The following SP2 variants were observed in gnomAD, a reference collection of about 807,000 sequenced individuals.
The protein encoded by SP2 is transcription factor Sp2.
SP2 carries 9 observed loss-of-function variants against 50.1 expected under a neutral mutation model. The ratio of observed to expected loss-of-function variants is 0.18; its 90% CI spans 0.11 to 0.31. SP2 has a LOEUF of 0.31. SP2 is among the 10% of genes least tolerant of loss of function. The probability of loss-of-function intolerance (pLI) is 1.00; values close to 1 mark genes in which losing one functional copy is unlikely to be tolerated. For synonymous variants in SP2, 313 were observed against 326.6 expected (o/e 0.96, Z 0.45); for missense variants, 581 against 806.5 (o/e 0.72, Z 3.39).
downstream of SP2, among the ~76,000 whole-genome samples, chr17:47,931,637 C>A (rs74570014): frequency 0.03 from 4,529 of 152,286 alleles, 241 homozygotes; most frequent in African/African-American, 0.1. Context: ...AAAGTTGCCA[C>A]ACCCAGAAAT....
In SP2 at chr17:47,925,549, C is replaced by T; in HGVS notation, c.1741+8C>T. 3 of 1,609,932 alleles carry T rather than the reference C, an allele frequency of 1.9e-6. No homozygotes were observed. The highest frequency in any genetic ancestry group is 2.5e-6 in the Non-Finnish European group (3 of 1,177,144). ...ATGCTCGCACCCACACAGGTCAGCC[C>T]CCTGCCTTCGGGACCCTCCACCCAC... On this transcript the variant is annotated splice_region_variant and intron_variant, in intron 6 of 6. Coordinates refer to ENST00000376741, the MANE Select transcript of SP2 (RefSeq NM_003110.6).
chr17:47,915,679 A>C (rs2035171430), intron 2 of SP2, among the ~76,000 whole-genome samples: 1 of 152,166 alleles, frequency 6.6e-6, no homozygotes, highest in African/African-American at 2.4e-5. Context: ...AGCCCTCCCC[A>C]GTCTATAAAG....
At chr17:47,921,368 C>T (rs2035451432) in intron 3 of SP2, among the ~76,000 whole-genome samples, 1 of 152,212 alleles carries the variant, frequency 6.6e-6, no homozygotes, top group Non-Finnish European at 1.5e-5. Context: ...CCTGCCTCAG[C>T]CTCCCCAGTA....
Position 47,921,745 on chromosome 17 carries a change from G to A in SP2, c.1060-1217G>A, listed in dbSNP as rs148137250. On this transcript the variant is annotated intron_variant, in intron 3 of 6. Coordinates refer to ENST00000376741, the MANE Select transcript of SP2 (RefSeq NM_003110.6). ...TTGTACCTTCCCTGCCCCAACCCTG[G>A]AATCAGCTATTTCTCCAAGGAGCCT... 2.7e-4 allele frequency among the ~76,000 whole-genome samples: 41 copies of A among 152,232 alleles called. 1 individual carries two copies. Among genetic ancestry groups the A allele is most frequent in the African/African-American group, 7.9e-4 (33 of 41,524 alleles).
rs901496414 is a variant in SP2 at position 47,926,759 on chromosome 17, T to TA, written c.1742-953dup. Among the ~76,000 whole-genome samples, 500 of 143,354 alleles carry TA rather than the reference T, an allele frequency of 3.5e-3. 5 individuals are homozygous for TA. Among genetic ancestry groups the TA allele is most frequent in the African/African-American group, 0.011 (438 of 39,130 alleles). The allele number at this position is 143,354 out of a possible 152,430, so 94.0% of individuals were successfully genotyped here. The stretch of plus-strand genomic sequence containing the variant: ...GGCAATATAGCGGGAGCCCATCTCT[T>TA]AAAAAAAAAAAAGGATTATACATCT... On this transcript the variant is annotated intron_variant, in intron 6 of 6. Transcript: ENST00000376741.
In SP2 at chr17:47,925,548, C is replaced by CCCCT; in HGVS notation, c.1741+8_1741+11dup. The CCCCT allele has an allele frequency of 1.9e-6, 3 of 1,609,940 alleles. No individual in the cohort carries two copies. The highest frequency in any genetic ancestry group is 2.5e-6 in the Non-Finnish European group (3 of 1,177,160). ...CATGCTCGCACCCACACAGGTCAGC[C>CCCCT]CCCTGCCTTCGGGACCCTCCACCCA... On this transcript the variant is annotated splice_region_variant and intron_variant, in intron 6 of 6. Coordinates refer to ENST00000376741, the MANE Select transcript of SP2 (RefSeq NM_003110.6).
chr17:47,896,394 C>T (rs1463119142), intron 1 of SP2, 101 bp downstream of exon 1: 6 of 1,002,614 alleles, frequency 6.0e-6, no homozygotes, highest in East Asian at 3.3e-5. Flanking sequence ...GGGTTCCCCC[C>T]TGGGGCTGGG....
At chr17:47,911,689 C>T (rs1045194674) in intron 1 of SP2, among the ~76,000 whole-genome samples, 2 of 151,796 alleles carry the variant, frequency 1.3e-5, no homozygotes, top group Non-Finnish European at 2.9e-5. Flanking sequence ...ATCTGTAGTC[C>T]CACTACTTGG....
At chr17:47,926,709 A>C (rs2035662916) in intron 6 of SP2, among the ~76,000 whole-genome samples, 1 of 151,612 alleles carries the variant, frequency 6.6e-6, no homozygotes, top group Admixed American at 6.6e-5. Flanking sequence ...TGATCACTTG[A>C]GCCTAGGAGT....
At chr17:47,918,023 G>C (rs1473834158) in intron 3 of SP2, among the ~76,000 whole-genome samples, 1 of 151,982 alleles carries the variant, frequency 6.6e-6, no homozygotes, top group African/African-American at 2.4e-5. Context: ...GGAGTCAATT[G>C]AGATTTGTAA....
intron 6 of SP2, among the ~76,000 whole-genome samples, chr17:47,927,491 C>T (rs1036156326): frequency 1.4e-5 from 2 of 145,248 alleles, no homozygotes; most frequent in Non-Finnish European, 3.0e-5. Context: ...GAGATTGTGC[C>T]ACTGCACTCC....
In SP2 at chr17:47,927,818, C is replaced by A. The variant is rs200755668; in HGVS notation, c.1836C>A (p.Asn612Lys). 47 of 1,579,436 alleles carry A rather than the reference C, an allele frequency of 3.0e-5. No individual in the cohort carries two copies. Among genetic ancestry groups the A allele is most frequent in the Admixed American group, 1.8e-5 (1 of 55,960 alleles). ...ACAAGACCCACCTGGTCACGAAGAA[C>A]TTGTAAGGCCAACTGCGGCGGGAGG... ...KHYKTHLVTK[N>K]L Residue 612 changes from asparagine to lysine, a missense_variant, in exon 7 of 7, where the codon AAC becomes AAA. Asn to Lys is a moderately conservative substitution (Grantham distance 94, BLOSUM62 0). Transcript: ENST00000376741.
intron 1 of SP2, among the ~76,000 whole-genome samples, chr17:47,914,012 G>A (rs1452741431): frequency 6.6e-6 from 1 of 152,186 alleles, no homozygotes; most frequent in Non-Finnish European, 1.5e-5. Context: ...GCTCTACTGA[G>A]TCTTGGTTGA....
chr17:47,906,645 G>A (rs780851867), intron 1 of SP2, among the ~76,000 whole-genome samples: 1 of 152,244 alleles, frequency 6.6e-6, no homozygotes, highest in Admixed American at 6.5e-5. Flanking sequence ...AGAAAGAGCT[G>A]TAAGCAAGGA....
At chr17:47,920,576 G>A (rs978531916) in intron 3 of SP2, among the ~76,000 whole-genome samples, 1 of 150,760 alleles carries the variant, frequency 6.6e-6, no homozygotes, top group African/African-American at 2.4e-5. Context: ...ATGAGCCACC[G>A]CACCCGGCCA....
At chr17:47,914,031 G>C (rs1316168474) in intron 1 of SP2, among the ~76,000 whole-genome samples, 1 of 152,090 alleles carries the variant, frequency 6.6e-6, no homozygotes, top group Non-Finnish European at 1.5e-5. Flanking sequence ...GATGCCTGTG[G>C]GGCCGTGCCT....
At chr17:47,921,790 A>G (rs1385256249) in intron 3 of SP2, among the ~76,000 whole-genome samples, 2 of 152,218 alleles carry the variant, frequency 1.3e-5, no homozygotes, top group African/African-American at 2.4e-5. Context: ...TTAGTGGAGC[A>G]TGTGAGTTAC....
At chr17:47,929,835 A>T (rs1031423243), downstream of SP2, 1 of 152,692 alleles carries the variant, frequency 6.5e-6, no homozygotes, top group East Asian at 1.9e-4. Flanking sequence ...GAAAGGACAC[A>T]GCTGGGATTG....
At chr17:47,910,962 A>G (rs2034957096) in intron 1 of SP2, among the ~76,000 whole-genome samples, 1 of 152,192 alleles carries the variant, frequency 6.6e-6, no homozygotes, top group African/African-American at 2.4e-5. Context: ...GTGGTGGTTC[A>G]TGCCTGTAAT....
Sources: gnomAD v4.1 joint callset for allele counts (sites outside exome capture counted in the v4.1 genomes callset) on GRCh38, gnomAD v4.1.1 for gene constraint, MANE v1.5 for transcripts, NCBI Gene and HGNC (gene_info 2026-07-23, HGNC 2026-07-21) for gene names.